Variants in KPNA7 observed in about 807,000 individuals in gnomAD.
KPNA7 encodes the protein importin subunit alpha-8.
In KPNA7, 54 loss-of-function variants were observed where a neutral mutation model predicts 53.7. That is an observed-to-expected ratio of 1.01 (90% CI 0.81 to 1.26). The LOEUF (loss-of-function observed/expected upper bound fraction) is 1.26, where lower values mean the gene tolerates loss of function less well. KPNA7 is among the 50% of genes most tolerant of loss of function. KPNA7 has a pLI of 0.00. For synonymous variants in KPNA7, 276 were observed against 259.3 expected, an observed-to-expected ratio of 1.06 and a Z score of -0.62; for missense variants, 640 against 644.5, an observed-to-expected ratio of 0.99 and a Z score of 0.07.
intron 1 of KPNA7, among the ~76,000 whole-genome samples, chr7:99,219,194 C>A (rs1449459718): frequency 6.6e-6 from 1 of 152,230 alleles, no homozygotes; most frequent in Non-Finnish European, 1.5e-5. Flanking sequence ...CCAGGTGAGT[C>A]TCATGTTCAG....
In KPNA7 at chr7:99,191,675, A is replaced by G. The variant is rs573859844; in HGVS notation, c.636+1344T>C. Among the ~76,000 whole-genome samples the G allele has an allele frequency of 3.3e-5, 5 of 151,936 alleles. No individual in the cohort carries two copies. In the East Asian group the frequency reaches 9.8e-4, roughly 30 times the overall value. ...CCCATCTTGAAGAGTTTTGAGACAGAGTCTTGCTCTGTTGCCCAGGCTGGG... is the reference window on the plus strand; with the variant it reads ...CCCATCTTGAAGAGTTTTGAGACAGGGTCTTGCTCTGTTGCCCAGGCTGGG... On this transcript the variant is annotated intron_variant, in intron 6 of 10. Coordinates refer to ENST00000327442, the MANE Select transcript of KPNA7 (RefSeq NM_001145715.3).
At chr7:99,194,307 G>C (rs1790111529) in intron 5 of KPNA7, among the ~76,000 whole-genome samples, 1 of 152,140 alleles carries the variant, frequency 6.6e-6, no homozygotes, top group South Asian at 2.1e-4. Flanking sequence ...CCACTTTCAG[G>C]GAAGGCTTGT....
intron 3 of KPNA7, among the ~76,000 whole-genome samples, chr7:99,199,065 G>GGAAA (rs1297557877): frequency 1.6e-5 from 1 of 61,148 alleles, no homozygotes; most frequent in African/African-American, 6.7e-5. Flanking sequence ...GCTGCAAACT[G>GGAAA]AAAAAAAAAA....
chr7:99,195,050 C>T lies in KPNA7; in HGVS notation c.553+20G>A. On this transcript the variant is annotated intron_variant, in intron 5 of 10. Coordinates refer to ENST00000327442, the MANE Select transcript of KPNA7 (RefSeq NM_001145715.3). ...CACACCTGGCCCCGTTTTCTTAGCCCACTAAGGGGAGAGTCTCACCGGCTA... is the reference window on the plus strand; with the variant it reads ...CACACCTGGCCCCGTTTTCTTAGCCTACTAAGGGGAGAGTCTCACCGGCTA... 6.5e-7 allele frequency: 1 copy of T among 1,548,990 alleles called. No homozygotes were observed. Among genetic ancestry groups the T allele is most frequent in the Non-Finnish European group, 8.7e-7 (1 of 1,145,038 alleles).
At chr7:99,217,945 T>C (rs1289476568) in intron 1 of KPNA7, among the ~76,000 whole-genome samples, 4 of 152,142 alleles carry the variant, frequency 2.6e-5, no homozygotes, top group Non-Finnish European at 5.9e-5. Context: ...CTCGCCACTC[T>C]TTAGCTTTCT....
intron 1 of KPNA7, among the ~76,000 whole-genome samples, chr7:99,218,456 G>A (rs533996940): frequency 6.6e-6 from 1 of 152,164 alleles, no homozygotes; most frequent in African/African-American, 2.4e-5. Context: ...AAGTCCCACA[G>A]GTGACAACAT....
chr7:99,158,754 G>A, the KPNA7 span, among the ~76,000 whole-genome samples: 1 of 151,448 alleles, frequency 6.6e-6, no homozygotes, highest in Non-Finnish European at 1.5e-5. Context: ...TCCCCAACTC[G>A]GCCTCCCAAA....
intron 3 of KPNA7, among the ~76,000 whole-genome samples, chr7:99,197,232 C>T (rs1259328378): frequency 1.3e-5 from 2 of 152,164 alleles, no homozygotes; most frequent in African/African-American, 4.8e-5. Context: ...TAAAATAAGT[C>T]TCTAATTATT....
chr7:99,191,260 A>G (rs1789938926), intron 6 of KPNA7, among the ~76,000 whole-genome samples: 1 of 150,138 alleles, frequency 6.7e-6, no homozygotes, highest in Non-Finnish European at 1.5e-5. Flanking sequence ...CAGGTTCAAG[A>G]GATTCTCCTG....
At chr7:99,188,200 C>CAAAAAAAAAAAAAA (rs1789728354) in intron 7 of KPNA7, 100 bp downstream of exon 7, 2 of 493,844 alleles carry the variant, frequency 4.0e-6, no homozygotes, top group African/African-American at 6.1e-5. Flanking sequence ...AAAAAAAAAG[C>CAAAAAAAAAAAAAA]AAAGACCAGG....
At chr7:99,197,020 AAAC>A (rs139221110) in intron 3 of KPNA7, among the ~76,000 whole-genome samples, 11,358 of 150,974 alleles carry the variant, frequency 0.075, 1,251 homozygotes, top group African/African-American at 0.25. Context: ...ATATGCTTAA[AAAC>A]AACAACAACA....
In KPNA7 at chr7:99,173,698, G is replaced by A. The variant is rs1348798681; in HGVS notation, c.*10C>T. 1.3e-6 allele frequency: 2 copies of A among 1,534,282 alleles called. No individual in the cohort carries two copies. Among genetic ancestry groups the A allele is most frequent in the Admixed American group, 2.0e-5 (1 of 50,906 alleles). On this transcript the variant is annotated 3_prime_UTR_variant, in exon 11 of 11. Coordinates refer to ENST00000327442, the MANE Select transcript of KPNA7 (RefSeq NM_001145715.3). ...CACTGGGTTGTTGGTTTAGGAGGTA[G>A]GGAGCTTGGCTATTTTTTTGCTAAG...
intron 6 of KPNA7, among the ~76,000 whole-genome samples, chr7:99,191,600 C>A (rs956827522): frequency 6.6e-6 from 1 of 152,130 alleles, no homozygotes; most frequent in Non-Finnish European, 1.5e-5. Flanking sequence ...TACTTAAACT[C>A]TCTCGGTCAT....
chr7:99,181,920 A>G lies in KPNA7; in HGVS notation c.1280T>C (p.Val427Ala). 2 of 1,550,988 alleles carry G rather than the reference A, an allele frequency of 1.3e-6. No individual in the cohort carries two copies. Among genetic ancestry groups the G allele is most frequent in the Non-Finnish European group, 1.7e-6 (2 of 1,146,364 alleles). ...NLLTAPDVKI[V>A]LIILDVISCI... ...AGAGATGACATCAAGGATGATGAGA[A>G]CAATTTTAACATCTGGGGCAGTGAG... The change falls in exon 9 of 11, where the codon GTT becomes GCT. Residue 427 changes from valine to alanine, a missense_variant. Transcript: ENST00000327442.
the KPNA7 span, among the ~76,000 whole-genome samples, chr7:99,157,921 G>A: frequency 1.3e-5 from 2 of 150,830 alleles, no homozygotes; most frequent in East Asian, 3.9e-4. Context: ...ACTACAGGCA[G>A]GTGCTACCAC....
intron 3 of KPNA7, among the ~76,000 whole-genome samples, chr7:99,197,121 C>T (rs894712294): frequency 6.6e-5 from 10 of 152,186 alleles, no homozygotes; most frequent in South Asian, 2.1e-4. Flanking sequence ...TGAAGGCTTA[C>T]GTCAGAATTG....
At chr7:99,176,720 T>TA (rs1176795044) in intron 10 of KPNA7, among the ~76,000 whole-genome samples, 2 of 151,646 alleles carry the variant, frequency 1.3e-5, no homozygotes, top group Non-Finnish European at 2.9e-5. Context: ...ACAAAAAAAA[T>TA]ACAAAAGTTA....
chr7:99,180,549 G>GTC (rs1799126561), intron 9 of KPNA7, among the ~76,000 whole-genome samples: 1 of 57,280 alleles, frequency 1.7e-5, no homozygotes, highest in East Asian at 6.3e-4. Flanking sequence ...GTCTGTCTCC[G>GTC]TCTGTCTCTG....
the KPNA7 span, among the ~76,000 whole-genome samples, chr7:99,163,950 A>G: frequency 6.6e-6 from 1 of 152,076 alleles, no homozygotes. Context: ...ACCATCTCAC[A>G]CCAGTTAGAA....
Sources: gnomAD v4.1 joint callset for allele counts (sites outside exome capture counted in the v4.1 genomes callset) on GRCh38, gnomAD v4.1.1 for gene constraint, MANE v1.5 for transcripts, NCBI Gene and HGNC (gene_info 2026-07-23, HGNC 2026-07-21) for gene names.